The following TNFRSF11A variants were observed in gnomAD, a reference collection of about 807,000 sequenced individuals.
TNFRSF11A encodes TNF receptor superfamily member 11a.
TNFRSF11A carries 32 observed loss-of-function variants against 55.7 expected under a neutral mutation model. That is an observed-to-expected ratio of 0.57 (90% confidence interval 0.43 to 0.77). The LOEUF (loss-of-function observed/expected upper bound fraction) is 0.77. TNFRSF11A is among the 30% of genes least tolerant of loss of function. The probability of loss-of-function intolerance (pLI) is 0.00; values close to 1 mark genes in which losing one functional copy is unlikely to be tolerated. For missense variants in TNFRSF11A, 753 were observed against 809.8 expected (o/e 0.93, Z 0.85); for synonymous variants, 311 against 331.0 (o/e 0.94, Z 0.65).
intron 9 of TNFRSF11A, among the ~76,000 whole-genome samples, chr18:62,381,931 CG>C (rs1568497754): frequency 1.3e-5 from 2 of 152,034 alleles, no homozygotes; most frequent in African/African-American, 2.4e-5. Flanking sequence ...GTTGCTGCTA[CG>C]GTAGAAGCCT....
In TNFRSF11A at chr18:62,361,724, G is replaced by T; in HGVS notation, c.661G>T (p.Ala221Ser). 1.2e-6 allele frequency: 2 copies of T among 1,613,940 alleles called. No individual in the cohort carries two copies. The highest frequency in any genetic ancestry group is 1.7e-6 in the Non-Finnish European group (2 of 1,180,010). The part of the protein sequence containing the change: ...LPGLIILLLF[A>S]SVALVAAIIF... ...CGGTTTAATAATTCTGCTTCTCTTC[G>T]CGTCTGTGGCCCTGGTGGCTGCCAT... is the stretch of plus-strand genomic sequence containing the variant. The change falls in exon 7 of 10, where the codon GCG becomes TCG. Residue 221 changes from alanine to serine, a missense_variant. By Grantham distance (99) the Ala-to-Ser change is moderately conservative. Coordinates refer to ENST00000586569, the MANE Select transcript of TNFRSF11A (RefSeq NM_003839.4).
intron 1 of TNFRSF11A, among the ~76,000 whole-genome samples, chr18:62,337,344 T>C (rs1333778538): frequency 6.6e-6 from 1 of 152,214 alleles, no homozygotes; most frequent in Non-Finnish European, 1.5e-5. Context: ...GAAAATAGCA[T>C]GAAGTGCCTA....
intron 9 of TNFRSF11A, among the ~76,000 whole-genome samples, chr18:62,377,752 G>A (rs543215652): frequency 1.3e-5 from 2 of 152,274 alleles, no homozygotes; most frequent in East Asian, 3.9e-4. Context: ...TTTTCTTATT[G>A]TTGAGTTTTA....
rs1266993565 is a variant in TNFRSF11A, at chr18:62,361,712, C to G, written c.649C>G (p.Leu217Val). 6.2e-7 allele frequency: 1 copy of G among 1,614,170 alleles called. No homozygotes were observed. Among genetic ancestry groups the G allele is most frequent in the Admixed American group, 1.7e-5 (1 of 60,026 alleles). ...PHVYLPGLII[L>V]LLFASVALVA... The stretch of plus-strand genomic sequence containing the variant: ...TGTTTACTTGCCCGGTTTAATAATT[C>G]TGCTTCTCTTCGCGTCTGTGGCCCT... The change falls in exon 7 of 10, where the codon CTG becomes GTG. Residue 217 changes from leucine (L) to valine (V), a missense_variant. This residue lies in a region of TNFRSF11A where 567 missense variants were observed against 596.7 expected (regional missense o/e 0.95). Transcript: ENST00000586569.
rs1395744636 is a variant in TNFRSF11A, at chr18:62,381,002, A to G, written c.1568-3749A>G. On this transcript the variant is annotated intron_variant, in intron 9 of 9. Coordinates refer to ENST00000586569, the MANE Select transcript of TNFRSF11A (RefSeq NM_003839.4). ...GTATTTTTCATAGAGGCAGGGTTTC[A>G]CCATGTTGCCCAGGCTGGTCTCCAA... 2.6e-5 allele frequency among the ~76,000 whole-genome samples: 4 copies of G among 151,878 alleles called. No homozygotes were observed. The East Asian group carries it at 7.7e-4, about 29-fold the overall frequency.
chr18:62,361,951 A>C (rs1475106355), intron 7 of TNFRSF11A, among the ~76,000 whole-genome samples, 158 bp downstream of exon 7: 4 of 152,134 alleles, frequency 2.6e-5, no homozygotes, highest in African/African-American at 9.7e-5. Flanking sequence ...AAGAAACAAA[A>C]CTCCAAAAAC....
chr18:62,351,887 C>T lies in TNFRSF11A; in HGVS notation c.283+1950C>T, dbSNP rs777125138. ...TTTTGGCTCACTGCAACCTTGGCCTCCCGGGTTCAAACGATTCTCCTGCCT... is the reference window on the plus strand; with the variant it reads ...TTTTGGCTCACTGCAACCTTGGCCTTCCGGGTTCAAACGATTCTCCTGCCT... On this transcript the variant is annotated intron_variant, in intron 3 of 9. Coordinates refer to ENST00000586569, the MANE Select transcript of TNFRSF11A (RefSeq NM_003839.4). Among the ~76,000 whole-genome samples, 62 of 152,178 alleles carry T rather than the reference C, an allele frequency of 4.1e-4. 1 individual carries two copies. The highest frequency in any genetic ancestry group is 1.9e-4 in the Non-Finnish European group (13 of 68,022).
At chr18:62,365,903 C>T (rs1055854145) in intron 7 of TNFRSF11A, among the ~76,000 whole-genome samples, 14 of 151,956 alleles carry the variant, frequency 9.2e-5, no homozygotes, top group Non-Finnish European at 1.9e-4. Flanking sequence ...CTGCAGCCTC[C>T]GCCTGCCAGG....
chr18:62,369,576 A>C (rs1910379766), intron 9 of TNFRSF11A, 92 bp downstream of exon 9: 1 of 1,496,454 alleles, frequency 6.7e-7, no homozygotes, highest in Non-Finnish European at 9.1e-7. Flanking sequence ...GGAAGGAGGA[A>C]GCTAATGGGA....
chr18:62,326,670 C>T (rs1026064570), intron 1 of TNFRSF11A, among the ~76,000 whole-genome samples: 28 of 152,274 alleles, frequency 1.8e-4, no homozygotes, highest in African/African-American at 5.8e-4. Context: ...GCATAAAAGG[C>T]GTTCGGTTCT....
intron 1 of TNFRSF11A, among the ~76,000 whole-genome samples, chr18:62,341,609 C>A (rs1226666508): frequency 6.6e-6 from 1 of 152,200 alleles, no homozygotes; most frequent in Non-Finnish European, 1.5e-5. Flanking sequence ...ATACAGACCA[C>A]TGCAGTGGGG....
intron 7 of TNFRSF11A, among the ~76,000 whole-genome samples, chr18:62,363,663 A>G (rs903277330): frequency 1.3e-5 from 2 of 152,142 alleles, no homozygotes; most frequent in Non-Finnish European, 2.9e-5. Flanking sequence ...CACCGCACCC[A>G]GCCAAGTGGT....
chr18:62,328,541 A>T (rs1036324462), intron 1 of TNFRSF11A, among the ~76,000 whole-genome samples: 1 of 152,336 alleles, frequency 6.6e-6, no homozygotes, highest in Non-Finnish European at 1.5e-5. Flanking sequence ...TAACTCTTGG[A>T]TGGCCCTTAC....
rs749292753 is a variant in TNFRSF11A, at chr18:62,368,881, G to A, written c.964G>A (p.Glu322Lys). The A allele has an allele frequency of 1.2e-5, 19 of 1,614,112 alleles. No individual in the cohort carries two copies. Among genetic ancestry groups the A allele is most frequent in the East Asian group, 8.9e-5 (4 of 44,900 alleles). ...CVGGGPYAQG[E>K]DARMLSLVSK... ...AGGAGGTGGTCCCTACGCACAAGGC[G>A]AAGATGCCAGGATGCTCTCATTGGT... Residue 322 changes from glutamate to lysine, a missense_variant, in exon 9 of 10, where the codon GAA becomes AAA. Glu to Lys is a moderately conservative substitution (Grantham distance 56). Coordinates refer to ENST00000586569, the MANE Select transcript of TNFRSF11A (RefSeq NM_003839.4).
At position 62,325,388 on chromosome 18, in the gene TNFRSF11A, C is replaced by A; in HGVS notation, c.36C>A (p.Phe12Leu). Residue 12 changes from phenylalanine to leucine, a missense_variant, in exon 1 of 10, where the codon TTC becomes TTA. Phe to Leu is a conservative substitution (Grantham distance 22, BLOSUM62 0). Transcript: ENST00000586569. The surrounding 1 kb of genome is among the most constrained non-coding windows in gnomAD (Gnocchi z 4.7). ...APRARRRRPLFALLLLCALLA... is the reference protein window; with the variant it reads ...APRARRRRPLLALLLLCALLA... Reference sequence around the variant, plus strand: ...GCGCCCGGCGGCGCCGCCCGCTGTTCGCGCTGCTGCTGCTCTGCGCGCTGC... The same window carrying A: ...GCGCCCGGCGGCGCCGCCCGCTGTTAGCGCTGCTGCTGCTCTGCGCGCTGC... 3 of 1,117,612 alleles carry A rather than the reference C, an allele frequency of 2.7e-6. No individual in the cohort carries two copies. The highest frequency in any genetic ancestry group is 7.0e-5 in the South Asian group (2 of 28,580). 69.2% of individuals were successfully genotyped at this position (1,117,612 alleles called of 1,614,324 possible). A position where few individuals can be genotyped will look rare whatever the true frequency, so the allele number is the denominator to read the frequency against.
chr18:62,335,498 G>A (rs562362126), intron 1 of TNFRSF11A, among the ~76,000 whole-genome samples: 6 of 152,288 alleles, frequency 3.9e-5, no homozygotes, highest in African/African-American at 1.4e-4. Flanking sequence ...TCATGGGTAA[G>A]GGGACTCAAG....
At chr18:62,366,351 G>A (rs1200912260) in intron 7 of TNFRSF11A, among the ~76,000 whole-genome samples, 1 of 152,196 alleles carries the variant, frequency 6.6e-6, no homozygotes, top group African/African-American at 2.4e-5. Flanking sequence ...GCAGGGACAG[G>A]GGGAAAGAAA....
intron 9 of TNFRSF11A, among the ~76,000 whole-genome samples, chr18:62,370,661 CTCAG>C (rs1253758977): frequency 1.3e-5 from 2 of 152,118 alleles, no homozygotes; most frequent in Non-Finnish European, 2.9e-5. Flanking sequence ...AATAGCAGTT[CTCAG>C]TCAAACAGAA....
intron 1 of TNFRSF11A, among the ~76,000 whole-genome samples, chr18:62,343,610 G>A (rs1002436580): frequency 2.0e-5 from 3 of 151,942 alleles, no homozygotes; most frequent in Non-Finnish European, 2.9e-5. Flanking sequence ...TATCTCCCCC[G>A]CCCTCCGAAA....
Sources: allele counts gnomAD v4.1 joint callset (sites outside exome capture counted in the v4.1 genomes callset), GRCh38; gene constraint gnomAD v4.1.1; regional missense constraint gnomAD v4.1.1; non-coding constraint Gnocchi (gnomAD v3.1); transcripts MANE v1.5; gene names NCBI Gene and HGNC (gene_info 2026-07-23, HGNC 2026-07-21).